PRDM5: variants seen among roughly 807,000 people sequenced by gnomAD.
The protein encoded by PRDM5 is PR/SET domain 5.
In PRDM5, 56 loss-of-function variants were observed where a neutral mutation model predicts 81.2. That is an observed-to-expected ratio of 0.69 (90% CI 0.56 to 0.86). The LOEUF is 0.86. PRDM5 is among the 40% of genes least tolerant of loss of function. The probability of loss-of-function intolerance (pLI) is 0.00; values close to 1 mark genes in which losing one functional copy is unlikely to be tolerated. For synonymous variants in PRDM5, 267 were observed against 256.4 expected, an observed-to-expected ratio of 1.04 and a Z score of -0.39; for missense variants, 697 against 770.1, an observed-to-expected ratio of 0.91 and a Z score of 1.12.
intron 14 of PRDM5, among the ~76,000 whole-genome samples, chr4:120,730,977 A>G (rs1035739229): frequency 2.0e-5 from 3 of 152,220 alleles, no homozygotes; most frequent in Admixed American, 2.0e-4. Flanking sequence ...AGGCCCTTAA[A>G]AAAAGAGGTG....
intron 8 of PRDM5, among the ~76,000 whole-genome samples, chr4:120,805,463 G>A (rs1752777592): frequency 6.6e-6 from 1 of 152,112 alleles, no homozygotes; most frequent in South Asian, 2.1e-4. Flanking sequence ...TAAAATACTG[G>A]CAAATCAAAT....
chr4:120,799,895 A>G (rs1387696005), intron 8 of PRDM5, 150 bp from the exon 9 acceptor site: 2 of 1,366,228 alleles, frequency 1.5e-6, no homozygotes, highest in African/African-American at 1.5e-5. Context: ...ACACTAACCT[A>G]TATACACTGA....
At chr4:120,904,213 A>AAAAAAAAAAAAAAAAAT (rs1765542311) in intron 2 of PRDM5, among the ~76,000 whole-genome samples, 2 of 147,094 alleles carry the variant, frequency 1.4e-5, no homozygotes, top group African/African-American at 5.0e-5. Flanking sequence ...AAACAAAAAA[A>AAAAAAAAAAAAAAAAAT]CCTCCTTCCT....
Position 120,710,322 on chromosome 4 carries a change from G to A in PRDM5, c.1715C>T (p.Pro572Leu). The A allele has an allele frequency of 6.2e-7, 1 of 1,613,756 alleles. No individual in the cohort carries two copies. The highest frequency in any genetic ancestry group is 8.5e-7 in the Non-Finnish European group (1 of 1,179,932). The change falls in exon 15 of 16, where the codon CCT (proline) becomes CTT (leucine). Residue 572 changes from proline (P) to leucine (L), a missense_variant. Around this residue, in one of 3 missense-constraint regions of PRDM5, gnomAD observed 86 missense variants for 135.2 expected, o/e 0.64. Coordinates refer to ENST00000264808, the MANE Select transcript of PRDM5 (RefSeq NM_018699.4). ...ATCCAAACTCACATCACACTGAAAA[G>A]GCTTTTCTCCAGTGTGCGTCCTCTT... ...EHKRTHTGEKPFQCDVCDLAF... is the reference protein window; with the variant it reads ...EHKRTHTGEKLFQCDVCDLAF...
At chr4:120,768,837 C>T (rs1746798726) in intron 13 of PRDM5, among the ~76,000 whole-genome samples, 1 of 152,140 alleles carries the variant, frequency 6.6e-6, no homozygotes, top group Non-Finnish European at 1.5e-5. Context: ...CATTTAAGCA[C>T]TGTAAGTTTA....
intron 14 of PRDM5, among the ~76,000 whole-genome samples, chr4:120,752,421 GGGTGCTTCT>G (rs1744143929): frequency 6.6e-6 from 1 of 152,128 alleles, no homozygotes; most frequent in African/African-American, 2.4e-5. Flanking sequence ...CTAAAATCCT[GGGTGCTTCT>G]GGTCTATAAA....
intron 14 of PRDM5, among the ~76,000 whole-genome samples, chr4:120,742,311 A>G (rs930999756): frequency 1.4e-4 from 21 of 152,234 alleles, no homozygotes; most frequent in Non-Finnish European, 2.8e-4. Context: ...AAGGTAGATA[A>G]AACCACAAAG....
intron 1 of PRDM5, among the ~76,000 whole-genome samples, chr4:120,907,915 C>T (rs1766019076): frequency 6.6e-6 from 1 of 152,186 alleles, no homozygotes; most frequent in East Asian, 1.9e-4. Context: ...AGAGACAAGC[C>T]CACCAGGCAG....
At chr4:120,818,140 A>G (rs767532109) in intron 5 of PRDM5, 62 of 539,970 alleles carry the variant, frequency 1.1e-4, no homozygotes, top group Non-Finnish European at 1.6e-4. Context: ...GTTAAAATCC[A>G]TAATTTGAAT....
intron 14 of PRDM5, among the ~76,000 whole-genome samples, chr4:120,734,446 A>ACACACC (rs941793836): frequency 6.6e-6 from 1 of 151,146 alleles, no homozygotes; most frequent in African/African-American, 2.4e-5. Flanking sequence ...ACACACACAC[A>ACACACC]CCCTTACTCA....
intron 2 of PRDM5, among the ~76,000 whole-genome samples, chr4:120,857,926 A>G (rs1760070508): frequency 6.6e-6 from 1 of 152,174 alleles, no homozygotes; most frequent in Non-Finnish European, 1.5e-5. Flanking sequence ...TTTTTCACTA[A>G]CTATATACAT....
chr4:120,914,990 T>C (rs755781261), intron 1 of PRDM5, among the ~76,000 whole-genome samples: 3 of 152,088 alleles, frequency 2.0e-5, no homozygotes, highest in African/African-American at 2.4e-5. Context: ...TAATGAACAC[T>C]GGACACTCGG....
chr4:120,833,035 C>T (rs1176591277), intron 3 of PRDM5, among the ~76,000 whole-genome samples: 1 of 152,098 alleles, frequency 6.6e-6, no homozygotes, highest in East Asian at 1.9e-4. Flanking sequence ...AAGGCTGGTC[C>T]TTTCCCCCTG....
chr4:120,868,306 G>C (rs1439299199), intron 2 of PRDM5, among the ~76,000 whole-genome samples: 1 of 152,074 alleles, frequency 6.6e-6, no homozygotes, highest in Non-Finnish European at 1.5e-5. Context: ...TGCAGGGTTT[G>C]GGACACCATT....
Position 120,695,040 on chromosome 4 carries a change from G to T in PRDM5, c.*71C>A. ...CACTTTTGGCTACTTCTGTTATGCTGATCAGGTGATAAAAATCTGGGATTC... is the reference window on the plus strand; with the variant it reads ...CACTTTTGGCTACTTCTGTTATGCTTATCAGGTGATAAAAATCTGGGATTC... On this transcript the variant is annotated 3_prime_UTR_variant, in exon 16 of 16. Transcript: ENST00000264808. The T allele has an allele frequency of 6.5e-7, 1 of 1,526,772 alleles. No homozygotes were observed. Among genetic ancestry groups the T allele is most frequent in the Non-Finnish European group, 9.1e-7 (1 of 1,103,152 alleles). 94.6% of individuals were successfully genotyped at this position (1,526,772 alleles called of 1,614,324 possible).
chr4:120,882,140 C>T (rs561292126), intron 2 of PRDM5, among the ~76,000 whole-genome samples: 9 of 152,296 alleles, frequency 5.9e-5, no homozygotes, highest in African/African-American at 2.2e-4. Context: ...AGTTGCACTG[C>T]AGAAAAGCAC....
At chr4:120,822,307 A>G (rs964582146) in intron 3 of PRDM5, among the ~76,000 whole-genome samples, 3 of 152,276 alleles carry the variant, frequency 2.0e-5, no homozygotes, top group African/African-American at 4.8e-5. Context: ...GAATATAAAG[A>G]AAAGCAAAAC....
chr4:120,709,058 G>A (rs1736588226), intron 15 of PRDM5, among the ~76,000 whole-genome samples: 1 of 152,088 alleles, frequency 6.6e-6, no homozygotes, highest in South Asian at 2.1e-4. Context: ...TAACATCATA[G>A]TTTCAAAAAA....
At chr4:120,688,396 A>G (rs541139212), downstream of PRDM5, among the ~76,000 whole-genome samples, 2 of 152,068 alleles carry the variant, frequency 1.3e-5, no homozygotes, top group African/African-American at 4.8e-5. Flanking sequence ...TAACAGATAC[A>G]TGGTTTGCAA....
Sources: allele counts gnomAD v4.1 joint callset (sites outside exome capture counted in the v4.1 genomes callset), GRCh38; gene constraint gnomAD v4.1.1; regional missense constraint gnomAD v4.1.1; transcripts MANE v1.5; gene names NCBI Gene and HGNC (gene_info 2026-07-23, HGNC 2026-07-21).